MS4A6E: variants seen among roughly 807,000 people sequenced by gnomAD.
MS4A6E encodes membrane-spanning 4-domains subfamily A member 6E.
MS4A6E carries 8 observed loss-of-function variants against 13.2 expected under a neutral mutation model. The ratio of observed to expected loss-of-function variants is 0.60; its 90% CI spans 0.35 to 1.09. MS4A6E has a LOEUF of 1.09. MS4A6E is among the 50% of genes least tolerant of loss of function. MS4A6E has a pLI of 0.02. For missense variants in MS4A6E, 177 were observed against 171.1 expected (o/e 1.03, Z -0.19); for synonymous variants, 72 against 67.6 (o/e 1.06, Z -0.32).
At chr11:60,336,670 C>G (rs980855235) in intron 2 of MS4A6E, among the ~76,000 whole-genome samples, 3 of 152,152 alleles carry the variant, frequency 2.0e-5, no homozygotes, top group Non-Finnish European at 4.4e-5. Flanking sequence ...GGAGTGTACA[C>G]TTCAGTCATT....
At chr11:60,348,299 A>G (rs1360520367) in intron 4 of MS4A6E, among the ~76,000 whole-genome samples, 1 of 152,202 alleles carries the variant, frequency 6.6e-6, no homozygotes, top group Non-Finnish European at 1.5e-5. Context: ...GAGGATTCTT[A>G]TTCCACTGGG....
chr11:60,335,758 A>C, intron 2 of MS4A6E: 1 of 329,720 alleles, frequency 3.0e-6, no homozygotes, highest in South Asian at 2.5e-5. Flanking sequence ...AGGTCTAGGA[A>C]ACTTCTTGGT....
intron 2 of MS4A6E, among the ~76,000 whole-genome samples, chr11:60,336,056 A>T (rs1423327465): frequency 6.6e-6 from 1 of 152,230 alleles, no homozygotes; most frequent in East Asian, 1.9e-4. Flanking sequence ...AAAGCCAGCA[A>T]GGAAGTCAGA....
chr11:60,332,532 T>C (rs2085163434), intron 1 of MS4A6E, among the ~76,000 whole-genome samples: 1 of 152,240 alleles, frequency 6.6e-6, no homozygotes, highest in Non-Finnish European at 1.5e-5. Context: ...AACTCTCTCC[T>C]TCACGACCAG....
downstream of MS4A6E, among the ~76,000 whole-genome samples, chr11:60,342,328 G>A (rs1202998803): frequency 2.0e-5 from 3 of 151,980 alleles, no homozygotes; most frequent in Non-Finnish European, 4.4e-5. Context: ...ATTTGTCTGG[G>A]GTAATATCAG....
chr11:60,333,705 A>G (rs951109330), intron 1 of MS4A6E, among the ~76,000 whole-genome samples: 1 of 152,214 alleles, frequency 6.6e-6, no homozygotes, highest in African/African-American at 2.4e-5. Flanking sequence ...TTATTCTCTA[A>G]GGAGGGATCC....
At chr11:60,340,278 A>G (rs549459230) in intron 4 of MS4A6E, among the ~76,000 whole-genome samples, 1 of 152,270 alleles carries the variant, frequency 6.6e-6, no homozygotes, top group East Asian at 1.9e-4. Flanking sequence ...ATGAGTCTGT[A>G]CCTGTGCTGA....
At chr11:60,338,028 ATC>A (rs979801466) in intron 3 of MS4A6E, 81 bp downstream of exon 3, 4 of 1,423,698 alleles carry the variant, frequency 2.8e-6, no homozygotes, top group African/African-American at 1.4e-5. Flanking sequence ...TCCTTTGAAA[ATC>A]TCTCTGTTAA....
intron 1 of MS4A6E, among the ~76,000 whole-genome samples, chr11:60,328,856 T>C (rs551739586): frequency 6.6e-6 from 1 of 152,336 alleles, no homozygotes; most frequent in South Asian, 2.1e-4. Context: ...TCTAGAGTTC[T>C]AATGTACAGT....
chr11:60,334,263 A>G (rs1312065971), intron 1 of MS4A6E, among the ~76,000 whole-genome samples: 2 of 152,202 alleles, frequency 1.3e-5, no homozygotes, highest in Admixed American at 6.5e-5. Flanking sequence ...GACAAGAAAC[A>G]AGCAAACCTC....
Position 60,327,324 on chromosome 11 carries a change from A to T in MS4A6E, c.-99A>T, listed in dbSNP as rs1490188174. ...CCTATCTGGAAGATGCAGCAACAAG[A>T]TACCATCTTGGAAGCAAGCAACGTG... On this transcript the variant is annotated 5_prime_UTR_variant, in exon 1 of 5. Transcript: ENST00000684409. Among the ~76,000 whole-genome samples, 1 of 152,216 alleles carries T rather than the reference A, an allele frequency of 6.6e-6. No homozygotes were observed. Among genetic ancestry groups the T allele is most frequent in the Non-Finnish European group, 1.5e-5 (1 of 68,034 alleles).
chr11:60,327,875 C>T (rs1374732805), intron 1 of MS4A6E, among the ~76,000 whole-genome samples: 12 of 151,724 alleles, frequency 7.9e-5, no homozygotes, highest in Non-Finnish European at 1.6e-4. Flanking sequence ...ACCAAAAATA[C>T]AAAAATTAGC....
At chr11:60,329,170 T>C (rs1289398582) in intron 1 of MS4A6E, among the ~76,000 whole-genome samples, 1 of 138,114 alleles carries the variant, frequency 7.2e-6, no homozygotes, top group African/African-American at 2.7e-5. Context: ...CAGGCCTTGG[T>C]GTGTGATGTT....
rs142429820 is a variant in MS4A6E at position 60,327,672 on chromosome 11, A to T, written c.-15+264A>T. Among the ~76,000 whole-genome samples the T allele has an allele frequency of 1.6e-3, 242 of 152,312 alleles. 3 individuals carry two copies. In the East Asian group the frequency reaches 0.036, roughly 23 times the overall value. ...TTTAGTGGTTGTAATTACAATATCA[A>T]TTAAAATGTGGGCAGTGAGTGCCAT... is the stretch of plus-strand genomic sequence containing the variant. On this transcript the variant is annotated intron_variant, in intron 1 of 4. Coordinates refer to ENST00000684409, the MANE Select transcript of MS4A6E (RefSeq NM_139249.4).
intron 4 of MS4A6E, among the ~76,000 whole-genome samples, chr11:60,347,312 G>T (rs2085260681): frequency 6.6e-6 from 1 of 152,162 alleles, no homozygotes; most frequent in African/African-American, 2.4e-5. Context: ...TTATCTTGCA[G>T]GGCAAAGAAA....
At position 60,337,835 on chromosome 11, in the gene MS4A6E, C is replaced by T. The variant is rs2135061471; in HGVS notation, c.242C>T (p.Ala81Val). 1 of 1,614,182 alleles carries T rather than the reference C, an allele frequency of 6.2e-7. No homozygotes were observed. Among genetic ancestry groups the T allele is most frequent in the South Asian group, 1.1e-5 (1 of 91,074 alleles). The change falls in exon 3 of 5, where the codon GCC (alanine) becomes GTC (valine). Residue 81 changes from alanine (A) to valine (V), a missense_variant. Coordinates refer to ENST00000684409, the MANE Select transcript of MS4A6E (RefSeq NM_139249.4). ...LSVNPAALNP[A>V]SLQCKLDEKD... ...GTCAACCCGGCTGCATTAAATCCTG[C>T]CTCATTGCAGTGTAAGTTGGACGAA...
At chr11:60,346,796 G>T (rs1453645707) in intron 4 of MS4A6E, among the ~76,000 whole-genome samples, 5 of 152,032 alleles carry the variant, frequency 3.3e-5, no homozygotes, top group East Asian at 1.9e-4. Flanking sequence ...CTCCTTTTCA[G>T]TCTACTATAA....
downstream of MS4A6E, among the ~76,000 whole-genome samples, chr11:60,345,968 T>C (rs1299882493): frequency 6.6e-6 from 1 of 152,188 alleles, no homozygotes; most frequent in Non-Finnish European, 1.5e-5. Context: ...ACTGGCTCTG[T>C]TGTCCAGAAG....
At chr11:60,340,577 G>C (rs1565157230) in intron 4 of MS4A6E, among the ~76,000 whole-genome samples, 199 bp from the exon 5 acceptor site, 1 of 152,142 alleles carries the variant, frequency 6.6e-6, no homozygotes, top group Admixed American at 6.5e-5. Context: ...TTTTATTATA[G>C]AGAATAGAAG....
Sources: allele counts gnomAD v4.1 joint callset (sites outside exome capture counted in the v4.1 genomes callset), GRCh38; gene constraint gnomAD v4.1.1; transcripts MANE v1.5; gene names NCBI Gene and HGNC (gene_info 2026-07-23, HGNC 2026-07-21).